The following NAALADL2 variants were observed in gnomAD, a reference collection of about 807,000 sequenced individuals.
NAALADL2 encodes inactive N-acetylated-alpha-linked acidic dipeptidase-like protein 2.
NAALADL2 carries 76 observed loss-of-function variants against 87.2 expected under a neutral mutation model. That is an observed-to-expected ratio of 0.87 (90% CI 0.72 to 1.05). The LOEUF (loss-of-function observed/expected upper bound fraction) is 1.05. Among genes scored for constraint, NAALADL2 ranks in the 50% least tolerant of loss-of-function variants. The probability of loss-of-function intolerance (pLI) is 0.00; values close to 1 mark genes in which losing one functional copy is unlikely to be tolerated. For missense variants in NAALADL2, 1,089 were observed against 945.8 expected (o/e 1.15, Z -1.99); for synonymous variants, 354 against 331.0 (o/e 1.07, Z -0.75).
chr3:175,345,158 A>G (rs1345991233), intron 5 of NAALADL2, among the ~76,000 whole-genome samples: 1 of 152,176 alleles, frequency 6.6e-6, no homozygotes, highest in African/African-American at 2.4e-5. Context: ...AAATATAAGT[A>G]AGCTAGTCAG....
At chr3:175,724,134 A>C (rs534931564) in intron 11 of NAALADL2, among the ~76,000 whole-genome samples, 1 of 152,248 alleles carries the variant, frequency 6.6e-6, no homozygotes, top group South Asian at 2.1e-4. Context: ...CATCAAGATA[A>C]ATATCGCTCA....
At chr3:175,414,548 T>G (rs1383071147) in intron 5 of NAALADL2, among the ~76,000 whole-genome samples, 1 of 152,142 alleles carries the variant, frequency 6.6e-6, no homozygotes, top group Non-Finnish European at 1.5e-5. Context: ...CAAAAGCAAA[T>G]GATTTTCGAA....
At chr3:174,662,688 C>T (rs371689715) in intron 2 of NAALADL2, among the ~76,000 whole-genome samples, 2 of 150,678 alleles carry the variant, frequency 1.3e-5, no homozygotes, top group South Asian at 2.1e-4. Context: ...TTATCATGTG[C>T]GCAGAAGTTC....
At chr3:174,671,627 G>C (rs191170988) in intron 2 of NAALADL2, among the ~76,000 whole-genome samples, 12 of 152,112 alleles carry the variant, frequency 7.9e-5, no homozygotes, top group Admixed American at 7.9e-4. Flanking sequence ...AATACTATCC[G>C]GGAAAAATCC....
chr3:175,251,194 C>A lies in NAALADL2; in HGVS notation c.820-5217C>A, dbSNP rs1749003999. Among the ~76,000 whole-genome samples, 3 of 152,172 alleles carry A rather than the reference C, an allele frequency of 2.0e-5. No homozygotes were observed. The South Asian group carries it at 6.2e-4, about 32-fold the overall frequency. Reference sequence around the variant, plus strand: ...TCACAGCTCTGCGTATGTGGCCCACCACTCTTTGTCGTCATCCCAAAACTT... The same window carrying A: ...TCACAGCTCTGCGTATGTGGCCCACAACTCTTTGTCGTCATCCCAAAACTT... On this transcript the variant is annotated intron_variant, in intron 3 of 13. Coordinates refer to ENST00000454872, the MANE Select transcript of NAALADL2 (RefSeq NM_207015.3).
chr3:174,531,339 A>G (rs9832250), intron 1 of NAALADL2, among the ~76,000 whole-genome samples: 26,847 of 151,770 alleles, frequency 0.18, 2,405 homozygotes, highest in Middle Eastern at 0.25. Context: ...CAAGTAGAGC[A>G]CTCATCGGTG....
At chr3:175,184,584 A>T (rs1737058394) in intron 2 of NAALADL2, among the ~76,000 whole-genome samples, 1 of 152,016 alleles carries the variant, frequency 6.6e-6, no homozygotes, top group South Asian at 2.1e-4. Context: ...CCATATATGT[A>T]CAACTGTCCC....
intron 5 of NAALADL2, among the ~76,000 whole-genome samples, chr3:175,365,923 G>A: frequency 6.9e-6 from 1 of 144,328 alleles, no homozygotes; most frequent in Middle Eastern, 3.5e-3. Flanking sequence ...ACAATGTGCA[G>A]GTTAGTTACA....
chr3:175,454,616 A>AT (rs1397295185), intron 6 of NAALADL2, among the ~76,000 whole-genome samples: 1 of 152,108 alleles, frequency 6.6e-6, no homozygotes, highest in Non-Finnish European at 1.5e-5. Context: ...ATAGCCTCGT[A>AT]GTTTTATTTA....
intron 2 of NAALADL2, among the ~76,000 whole-genome samples, chr3:175,157,443 T>C (rs1732494276): frequency 6.6e-6 from 1 of 152,248 alleles, no homozygotes; most frequent in South Asian, 2.1e-4. Flanking sequence ...ACAGATACAG[T>C]ATTTGTAAAT....
At chr3:174,660,492 T>C (rs893993374) in intron 2 of NAALADL2, among the ~76,000 whole-genome samples, 1 of 152,172 alleles carries the variant, frequency 6.6e-6, no homozygotes, top group Non-Finnish European at 1.5e-5. Context: ...ACAATATTTC[T>C]TAAAAATTTG....
intron 4 of NAALADL2, among the ~76,000 whole-genome samples, chr3:175,323,543 G>A (rs964574509): frequency 2.0e-5 from 3 of 151,696 alleles, no homozygotes; most frequent in Admixed American, 6.6e-5. Context: ...TCCAAAAAAA[G>A]TAGAAAGTTA....
chr3:175,547,415 G>A (rs1713537236), intron 9 of NAALADL2, among the ~76,000 whole-genome samples: 1 of 152,096 alleles, frequency 6.6e-6, no homozygotes. Flanking sequence ...AAGCAAGATG[G>A]ATTAAAGGCT....
At chr3:174,569,408 G>A (rs979150318) in intron 2 of NAALADL2, among the ~76,000 whole-genome samples, 11 of 152,012 alleles carry the variant, frequency 7.2e-5, no homozygotes, top group Non-Finnish European at 1.5e-4. Context: ...TATGTGTACA[G>A]TTCAATGAAT....
chr3:175,314,141 C>T (rs1758739631), intron 4 of NAALADL2, among the ~76,000 whole-genome samples: 1 of 150,784 alleles, frequency 6.6e-6, no homozygotes, highest in Non-Finnish European at 1.5e-5. Context: ...ATTAATTTTC[C>T]TTGAATAATA....
At chr3:175,545,323 G>C (rs1283676913) in intron 9 of NAALADL2, among the ~76,000 whole-genome samples, 1 of 152,078 alleles carries the variant, frequency 6.6e-6, no homozygotes, top group Non-Finnish European at 1.5e-5. Context: ...CTTGTAGTAT[G>C]AAATCTATAA....
At chr3:175,224,321 G>C (rs1743846027) in intron 2 of NAALADL2, among the ~76,000 whole-genome samples, 1 of 152,196 alleles carries the variant, frequency 6.6e-6, no homozygotes, top group African/African-American at 2.4e-5. Flanking sequence ...TGATAAGGAA[G>C]TCAGGTGGCT....
chr3:174,864,197 G>T, intron 1 of NAALADL2: 1 of 354,702 alleles, frequency 2.8e-6, no homozygotes. Context: ...AAAGAGATTA[G>T]GAAAACAAAA....
intron 2 of NAALADL2, among the ~76,000 whole-genome samples, chr3:175,133,632 G>A (rs1728606133): frequency 1.3e-5 from 2 of 152,156 alleles, no homozygotes; most frequent in African/African-American, 4.8e-5. Flanking sequence ...TGAGGCAGGC[G>A]AATCAGGCAG....
Sources: allele counts gnomAD v4.1 joint callset (sites outside exome capture counted in the v4.1 genomes callset), GRCh38; gene constraint gnomAD v4.1.1; transcripts MANE v1.5; gene names NCBI Gene and HGNC (gene_info 2026-07-23, HGNC 2026-07-21).